ADGRG2: variants seen among roughly 807,000 people sequenced by gnomAD.
The protein encoded by ADGRG2 is adhesion G protein-coupled receptor G2.
ADGRG2 carries 26 observed loss-of-function variants against 74.1 expected under a neutral mutation model. The observed-to-expected ratio is 0.35, with a 90% CI of 0.26 to 0.49. ADGRG2 has a LOEUF of 0.49. Ranked by LOEUF, ADGRG2 falls within the 20% of genes least tolerant of loss-of-function variation. The pLI is 0.99. For missense variants in ADGRG2, 619 were observed against 763.1 expected (o/e 0.81, Z 2.22); for synonymous variants, 296 against 295.2 (o/e 1.00, Z -0.03).
chrX:19,015,874 G>A (rs2060458287), intron 15 of ADGRG2, among the ~76,000 whole-genome samples: 1 of 112,344 alleles, frequency 8.9e-6, no homozygotes, highest in Non-Finnish European at 1.9e-5. Context: ...GCTTTGCAAA[G>A]TATACATTAA....
At chrX:19,058,386 C>T (rs2061436324) in intron 3 of ADGRG2, among the ~76,000 whole-genome samples, 1 of 110,542 alleles carries the variant, frequency 9.0e-6, no homozygotes, top group Non-Finnish European at 1.9e-5. Flanking sequence ...GGTTAGACTT[C>T]ACTGTGAATC....
At chrX:19,082,099 AAAAG>A (rs1158715473) in intron 2 of ADGRG2, among the ~76,000 whole-genome samples, 9 of 103,409 alleles carry the variant, frequency 8.7e-5, no homozygotes, top group East Asian at 3.0e-4. Flanking sequence ...AAAAAAAAAG[AAAAG>A]AAAGAAAGAA....
At chrX:19,113,893 A>G (rs754119614) in intron 1 of ADGRG2, among the ~76,000 whole-genome samples, 2 of 109,870 alleles carry the variant, frequency 1.8e-5, no homozygotes, top group South Asian at 7.8e-4. Context: ...GCATGGCGCA[A>G]CCCCATCTCT....
Position 18,996,061 on chromosome X carries a change from A to G in ADGRG2, c.2706T>C (p.Ala902=). 8.9e-7 allele frequency: 1 copy of G among 1,121,818 alleles called. No individual in the cohort carries two copies. 92.5% of individuals were successfully genotyped at this position (1,121,818 alleles called of 1,213,427 possible). Residue 902 remains alanine (A), a synonymous_variant, in exon 27 of 29, where the codon GCT becomes GCC. Coordinates refer to ENST00000379869, the MANE Select transcript of ADGRG2 (RefSeq NM_001079858.3). ...RYLCCGKLRL[A]ENSDWSKTAT... Reference sequence around the variant, plus strand: ...GAGGTAAATCTTTACCAGAATTTTCAGCCAGCCGTAACTTTCCACAACAAA... The same window carrying G: ...GAGGTAAATCTTTACCAGAATTTTCGGCCAGCCGTAACTTTCCACAACAAA...
At position 19,028,168 on chromosome X, in the gene ADGRG2, A is replaced by C; in HGVS notation, c.414+15T>G. ...GCCTTTTAAGATTGCAGTAAAAAAAATCTTTAAAACTTACCTGGGGAACAG... is the reference window on the plus strand; with the variant it reads ...GCCTTTTAAGATTGCAGTAAAAAAACTCTTTAAAACTTACCTGGGGAACAG... On this transcript the variant is annotated intron_variant, in intron 10 of 28. Coordinates refer to ENST00000379869, the MANE Select transcript of ADGRG2 (RefSeq NM_001079858.3). The C allele has an allele frequency of 1.0e-6, 1 of 961,244 alleles. No individual in the cohort carries two copies. Among genetic ancestry groups the C allele is most frequent in the Non-Finnish European group, 1.5e-6 (1 of 677,516 alleles). The allele number at this position is 961,244 out of a possible 1,213,427, so 79.2% of individuals were successfully genotyped here. A position where few individuals can be genotyped will look rare whatever the true frequency, so the allele number is the denominator to read the frequency against.
chrX:19,088,433 CT>C (rs974923142), intron 1 of ADGRG2, among the ~76,000 whole-genome samples: 1 of 112,317 alleles, frequency 8.9e-6, no homozygotes, highest in African/African-American at 3.2e-5. Context: ...CCATTTCCCT[CT>C]GTTTAAACTA....
intron 24 of ADGRG2, among the ~76,000 whole-genome samples, chrX:19,002,335 A>G (rs930508075): frequency 9.0e-6 from 1 of 111,577 alleles, no homozygotes; most frequent in African/African-American, 3.3e-5. Context: ...AGGCTGCACA[A>G]TCTGAAATGT....
chrX:19,034,824 C>T, intron 7 of ADGRG2: 1 of 112,587 alleles, frequency 8.9e-6, no homozygotes, highest in Non-Finnish European at 1.9e-5. Context: ...GTCCCAGCTA[C>T]TCGGGAGGCT....
chrX:19,046,062 T>C (rs1048221367), intron 3 of ADGRG2, among the ~76,000 whole-genome samples: 2 of 110,358 alleles, frequency 1.8e-5, no homozygotes, highest in African/African-American at 3.3e-5. Flanking sequence ...TTTTAAAAAA[T>C]TTTTTCAGAA....
intron 3 of ADGRG2, among the ~76,000 whole-genome samples, chrX:19,052,644 T>TTA (rs781102451): frequency 4.1e-4 from 44 of 108,636 alleles, no homozygotes; most frequent in African/African-American, 1.0e-3. Flanking sequence ...ATATATACGT[T>TTA]TATATATATA....
At position 19,021,196 on chromosome X, in the gene ADGRG2, G is replaced by A. The variant is rs778170129; in HGVS notation, c.551C>T (p.Thr184Ile). Residue 184 changes from threonine (T) to isoleucine (I), a missense_variant and splice_region_variant, in exon 14 of 29, where the codon ACA becomes ATA. Coordinates refer to ENST00000379869, the MANE Select transcript of ADGRG2 (RefSeq NM_001079858.3). ...IMCATAEAQS[T>I]LNCTFTIKLN... is the part of the protein sequence containing the mutation. Reference sequence around the variant, plus strand: ...TTTTATTGTGAATGTACAATTTAATGTGCTGTAAGGAGAAATATACATAAC... The same window carrying A: ...TTTTATTGTGAATGTACAATTTAATATGCTGTAAGGAGAAATATACATAAC... 22 of 926,915 alleles carry A rather than the reference G, an allele frequency of 2.4e-5. No individual in the cohort carries two copies. In the African/African-American group the frequency reaches 4.1e-4, roughly 17 times the overall value. 76.4% of individuals were successfully genotyped at this position (926,915 alleles called of 1,213,427 possible). A position where few individuals can be genotyped will look rare whatever the true frequency, so the allele number is the denominator to read the frequency against.
chrX:19,045,825 A>T (rs770597781), intron 3 of ADGRG2, among the ~76,000 whole-genome samples: 3 of 111,268 alleles, frequency 2.7e-5, no homozygotes, highest in Non-Finnish European at 3.8e-5. Flanking sequence ...CACAGTCTCA[A>T]TTCAGCCTCC....
rs138832950 is a variant in ADGRG2, at chrX:19,015,063, T to A, written c.711-989A>T. ...TGGTGATTTTCATGGGCATCAAAGGTGGAGAAGTCCTCACCTACTCTCTGG... is the reference window on the plus strand; with the variant it reads ...TGGTGATTTTCATGGGCATCAAAGGAGGAGAAGTCCTCACCTACTCTCTGG... On this transcript the variant is annotated intron_variant, in intron 15 of 28. Transcript: ENST00000379869. Among the ~76,000 whole-genome samples, 861 of 111,461 alleles carry A rather than the reference T, an allele frequency of 7.7e-3. 7 individuals carry two copies. Among genetic ancestry groups the A allele is most frequent in the Non-Finnish European group, 0.013 (672 of 53,061 alleles).
chrX:19,090,489 A>G (rs1437536353), intron 1 of ADGRG2, among the ~76,000 whole-genome samples: 2 of 111,794 alleles, frequency 1.8e-5, no homozygotes, highest in Non-Finnish European at 3.8e-5. Flanking sequence ...TTATAACTAC[A>G]GGAAACAATG....
chrX:19,019,009 A>AT (rs36005838), intron 15 of ADGRG2, among the ~76,000 whole-genome samples: 4 of 109,824 alleles, frequency 3.6e-5, no homozygotes, highest in Non-Finnish European at 5.7e-5. Context: ...TGCCCGGCTA[A>AT]TTTTTTTTTG....
intron 3 of ADGRG2, among the ~76,000 whole-genome samples, chrX:19,062,754 G>C (rs1434754396): frequency 1.8e-5 from 2 of 110,750 alleles, no homozygotes; most frequent in East Asian, 2.9e-4. Flanking sequence ...AGACAGCCAG[G>C]CCTCAGAGAG....
intron 3 of ADGRG2, among the ~76,000 whole-genome samples, chrX:19,042,717 G>A (rs772163618): frequency 3.1e-4 from 35 of 111,506 alleles, no homozygotes; most frequent in Middle Eastern, 9.2e-3. Flanking sequence ...AAGGCTGGGC[G>A]CAGTGGCTCA....
chrX:19,119,378 C>A (rs763883244), intron 1 of ADGRG2, among the ~76,000 whole-genome samples: 1 of 111,867 alleles, frequency 8.9e-6, no homozygotes, highest in Admixed American at 9.6e-5. Context: ...AAATTCCATG[C>A]GGATTAAATA....
At chrX:19,093,877 T>C (rs2062050726) in intron 1 of ADGRG2, among the ~76,000 whole-genome samples, 1 of 106,507 alleles carries the variant, frequency 9.4e-6, no homozygotes. Flanking sequence ...CTATCAATGG[T>C]GGACATAAAT....
Sources: gnomAD v4.1 joint callset for allele counts (sites outside exome capture counted in the v4.1 genomes callset) on GRCh38, gnomAD v4.1.1 for gene constraint, MANE v1.5 for transcripts, NCBI Gene and HGNC (gene_info 2026-07-23, HGNC 2026-07-21) for gene names.